The following MEIS2 variants were observed in gnomAD, a reference collection of about 807,000 sequenced individuals.
MEIS2 encodes Meis homeobox 2.
A neutral mutation model predicts 58.6 loss-of-function variants in MEIS2; 9 were observed. That is an observed-to-expected ratio of 0.15 (90% CI 0.09 to 0.27). The LOEUF (loss-of-function observed/expected upper bound fraction) is 0.27, where lower values mean the gene tolerates loss of function less well. Ranked by LOEUF, MEIS2 falls within the 10% of genes least tolerant of loss-of-function variation. The pLI is 1.00. For synonymous variants in MEIS2, 221 were observed against 228.4 expected, an observed-to-expected ratio of 0.97 and a Z score of 0.29; for missense variants, 427 against 635.0, an observed-to-expected ratio of 0.67 and a Z score of 3.52.
chr15:37,033,109 T>C (rs2061995595), intron 8 of MEIS2, among the ~76,000 whole-genome samples: 1 of 152,222 alleles, frequency 6.6e-6, no homozygotes, highest in Non-Finnish European at 1.5e-5. Flanking sequence ...ACTTAACAAT[T>C]GCTACAGTTG....
At chr15:36,996,885 T>A (rs2060540594) in intron 8 of MEIS2, among the ~76,000 whole-genome samples, 1 of 152,206 alleles carries the variant, frequency 6.6e-6, no homozygotes, top group Non-Finnish European at 1.5e-5. Flanking sequence ...CCATATTACA[T>A]ACTTGCATTC....
intron 8 of MEIS2, among the ~76,000 whole-genome samples, chr15:37,022,089 G>A (rs920859951): frequency 3.3e-5 from 5 of 151,372 alleles, no homozygotes; most frequent in Non-Finnish European, 2.9e-5. Flanking sequence ...TAATTTTTGT[G>A]TACTTTTAGA....
chr15:37,047,506 C>T (rs1311653533), intron 7 of MEIS2, among the ~76,000 whole-genome samples: 1 of 152,108 alleles, frequency 6.6e-6, no homozygotes, highest in East Asian at 1.9e-4. Flanking sequence ...CCCAGAATGC[C>T]CCTCTCAGGA....
rs200468111 is a variant in MEIS2, at chr15:36,938,791, C to G, written c.977+11533G>C. 3.9e-5 allele frequency among the ~76,000 whole-genome samples: 6 copies of G among 152,216 alleles called. No homozygotes were observed. The East Asian group carries it at 9.6e-4, about 24-fold the overall frequency. On this transcript the variant is annotated intron_variant, in intron 9 of 11. Coordinates refer to ENST00000561208, the MANE Select transcript of MEIS2 (RefSeq NM_170675.5). ...CACCCAGTCCCCATTCTCTTATGGA[C>G]GAGGGAATAGACACTGAGAAAGGCT...
chr15:37,050,198 C>T (rs1287803352), intron 7 of MEIS2, among the ~76,000 whole-genome samples: 2 of 151,940 alleles, frequency 1.3e-5, no homozygotes, highest in African/African-American at 2.4e-5. Context: ...CAAACAGATA[C>T]ACACACACAC....
At chr15:36,969,601 T>C (rs370096791) in intron 8 of MEIS2, among the ~76,000 whole-genome samples, 1 of 152,218 alleles carries the variant, frequency 6.6e-6, no homozygotes, top group Admixed American at 6.5e-5. Flanking sequence ...ATAAATCCTC[T>C]GTAGTGTATA....
intron 9 of MEIS2, among the ~76,000 whole-genome samples, chr15:36,930,401 G>T (rs72708688): frequency 0.049 from 7,497 of 152,034 alleles, 217 homozygotes; most frequent in Middle Eastern, 0.088. Flanking sequence ...GCTGGCAAGG[G>T]TCACTAAGCC....
chr15:36,942,845 A>C (rs543188642), intron 9 of MEIS2, among the ~76,000 whole-genome samples: 1 of 152,196 alleles, frequency 6.6e-6, no homozygotes, highest in Non-Finnish European at 1.5e-5. Flanking sequence ...CAAGACTCTT[A>C]TTTTTAAGAG....
At chr15:36,928,797 A>G (rs962700676) in intron 9 of MEIS2, among the ~76,000 whole-genome samples, 6 of 152,204 alleles carry the variant, frequency 3.9e-5, no homozygotes, top group African/African-American at 1.4e-4. Flanking sequence ...CTTAGTTAGA[A>G]CCAATTGAAA....
intron 7 of MEIS2, among the ~76,000 whole-genome samples, chr15:37,067,530 A>G (rs1049446073): frequency 6.6e-6 from 1 of 151,652 alleles, no homozygotes; most frequent in East Asian, 1.9e-4. Context: ...GAAGGCCCAC[A>G]TTCAGACTCT....
chr15:37,056,694 C>A (rs1238115341), intron 7 of MEIS2, among the ~76,000 whole-genome samples: 3 of 152,192 alleles, frequency 2.0e-5, no homozygotes, highest in African/African-American at 7.2e-5. Flanking sequence ...AATTCATCTC[C>A]CATAACCCTC....
intron 8 of MEIS2, among the ~76,000 whole-genome samples, chr15:36,964,000 A>T (rs1009151192): frequency 2.0e-5 from 3 of 152,252 alleles, no homozygotes; most frequent in African/African-American, 7.2e-5. Context: ...CCTGTCAGCA[A>T]GGGAATTCAA....
chr15:37,051,202 T>TATTGAGAAA (rs2062905004), intron 7 of MEIS2, among the ~76,000 whole-genome samples: 1 of 152,228 alleles, frequency 6.6e-6, no homozygotes, highest in African/African-American at 2.4e-5. Context: ...CAATAAATGT[T>TATTGAGAAA]AGTTATTTCT....
intron 9 of MEIS2, among the ~76,000 whole-genome samples, chr15:36,899,784 TA>T (rs1193090889): frequency 6.6e-6 from 1 of 152,194 alleles, no homozygotes; most frequent in African/African-American, 2.4e-5. Flanking sequence ...AAATGGGCCT[TA>T]TAAAATAACA....
chr15:36,971,536 T>TAAAAAAAAAA lies in MEIS2; in HGVS notation c.901-21137_901-21136insTTTTTTTTTT, dbSNP rs1567126001. ...TGTATTACTTGTATGCCTTGTTACA[T>TAAAAAAAAAA]TAAAAAAAAAAAAAAAAAAAAAAAA... On this transcript the variant is annotated intron_variant, in intron 8 of 11. Coordinates refer to ENST00000561208, the MANE Select transcript of MEIS2 (RefSeq NM_170675.5). 6.5e-3 allele frequency among the ~76,000 whole-genome samples: 427 copies of TAAAAAAAAAA among 65,398 alleles called. 77 individuals carry two copies. Among genetic ancestry groups the TAAAAAAAAAA allele is most frequent in the African/African-American group, 0.032 (356 of 11,062 alleles). 42.9% of individuals were successfully genotyped at this position (65,398 alleles called of 152,430 possible).
intron 9 of MEIS2, among the ~76,000 whole-genome samples, chr15:36,938,275 T>C (rs1040561447): frequency 2.0e-5 from 3 of 152,110 alleles, no homozygotes. Flanking sequence ...TTCCCTCCCC[T>C]TGTGCGGTCC....
chr15:36,974,940 T>G lies in MEIS2; in HGVS notation c.901-24540A>C, dbSNP rs16964440. On this transcript the variant is annotated intron_variant, in intron 8 of 11. Coordinates refer to ENST00000561208, the MANE Select transcript of MEIS2 (RefSeq NM_170675.5). The stretch of plus-strand genomic sequence containing the variant: ...CCAAGAGAGAAGAGTCGGTCTCATA[T>G]TTTCCCAAAGATCAAAATATCAAGA... 0.015 allele frequency among the ~76,000 whole-genome samples: 2,238 copies of G among 152,252 alleles called. 192 individuals are homozygous for G. In the East Asian group the frequency reaches 0.23, roughly 16 times the overall value.
chr15:36,966,551 G>A (rs1000880884), intron 8 of MEIS2, among the ~76,000 whole-genome samples: 19 of 152,180 alleles, frequency 1.2e-4, no homozygotes, highest in African/African-American at 4.3e-4. Context: ...TGAGTTCTTC[G>A]TTTATAAAAT....
intron 7 of MEIS2, among the ~76,000 whole-genome samples, chr15:37,038,802 C>T (rs1034941600): frequency 1.3e-5 from 2 of 152,186 alleles, no homozygotes; most frequent in South Asian, 2.1e-4. Context: ...CCATGTACAC[C>T]GGAGTGTCGC....
Sources: allele counts gnomAD v4.1 joint callset (sites outside exome capture counted in the v4.1 genomes callset), GRCh38; gene constraint gnomAD v4.1.1; transcripts MANE v1.5; gene names NCBI Gene and HGNC (gene_info 2026-07-23, HGNC 2026-07-21).